ATP2B2: variants seen among roughly 807,000 people sequenced by gnomAD.
ATP2B2 encodes plasma membrane calcium-transporting ATPase 2.
ATP2B2 carries 15 observed loss-of-function variants against 120.0 expected under a neutral mutation model. The ratio of observed to expected loss-of-function variants is 0.12; its 90% CI spans 0.08 to 0.19. The LOEUF is 0.19. Among genes scored for constraint, ATP2B2 ranks in the 10% least tolerant of loss-of-function variants. The probability of loss-of-function intolerance (pLI) is 1.00; values close to 1 mark genes in which losing one functional copy is unlikely to be tolerated. For missense variants in ATP2B2, 1,045 were observed against 1,719.8 expected, an observed-to-expected ratio of 0.61 and a Z score of 6.94; for synonymous variants, 694 against 700.3, an observed-to-expected ratio of 0.99 and a Z score of 0.14.
chr3:10,461,279 T>C (rs950775837), intron 1 of ATP2B2, among the ~76,000 whole-genome samples: 2 of 152,218 alleles, frequency 1.3e-5, no homozygotes, highest in Non-Finnish European at 2.9e-5. Context: ...TTGGTGACTG[T>C]GCACTCATCT....
At chr3:10,408,986 C>T (rs941169715) in intron 3 of ATP2B2, among the ~76,000 whole-genome samples, 4 of 152,226 alleles carry the variant, frequency 2.6e-5, no homozygotes, top group Admixed American at 2.6e-4. Context: ...TTTGCTGTCT[C>T]AGGGCCTTGG....
chr3:10,606,248 C>T (rs533293094), intron 2 of ATP2B2, among the ~76,000 whole-genome samples: 1 of 152,286 alleles, frequency 6.6e-6, no homozygotes, highest in East Asian at 1.9e-4. Flanking sequence ...TAACGCAGCT[C>T]TCTGAGCCTC....
chr3:10,575,563 G>A (rs1420403593), intron 2 of ATP2B2, among the ~76,000 whole-genome samples: 1 of 152,198 alleles, frequency 6.6e-6, no homozygotes, highest in African/African-American at 2.4e-5. Context: ...CACACTTATG[G>A]GAGCTATGGA....
At chr3:10,546,318 T>C (rs1348177934) in intron 2 of ATP2B2, among the ~76,000 whole-genome samples, 1 of 152,104 alleles carries the variant, frequency 6.6e-6, no homozygotes, top group Non-Finnish European at 1.5e-5. Context: ...CCTCTCCCCA[T>C]ATCCACTTCT....
At chr3:10,457,758 T>C (rs2064324382) in intron 1 of ATP2B2, among the ~76,000 whole-genome samples, 1 of 152,006 alleles carries the variant, frequency 6.6e-6, no homozygotes, top group Non-Finnish European at 1.5e-5. Context: ...GAAGCAAATT[T>C]AGTGCTATTT....
rs1248052623 is a variant in ATP2B2, at chr3:10,402,355, G to A, written c.398-7C>T. 1 of 1,612,746 alleles carries A rather than the reference G, an allele frequency of 6.2e-7. No homozygotes were observed. The highest frequency in any genetic ancestry group is 8.5e-7 in the Non-Finnish European group (1 of 1,180,046). On this transcript the variant is annotated splice_region_variant and splice_polypyrimidine_tract_variant and intron_variant, in intron 3 of 22. Coordinates refer to ENST00000360273, the MANE Select transcript of ATP2B2 (RefSeq NM_001001331.4). This position sits in a 1 kb window ranked among gnomAD's most constrained non-coding sequence, Gnocchi z 4.9. ...CCCTGGGCCGTCGCACATCCTGAAA[G>A]ACCAGATAGAAGCAGGCAGAGTGAG...
At chr3:10,400,221 A>T (rs1559286889) in intron 5 of ATP2B2, among the ~76,000 whole-genome samples, 1 of 152,218 alleles carries the variant, frequency 6.6e-6, no homozygotes. Flanking sequence ...CTCACTGCTT[A>T]AAACCGTTTC....
intron 2 of ATP2B2, among the ~76,000 whole-genome samples, chr3:10,613,297 G>A (rs7632035): frequency 0.72 from 109,327 of 151,994 alleles, 39,463 homozygotes; most frequent in Middle Eastern, 0.83. Context: ...TCACAGCAAA[G>A]TGGTAATCAT....
At chr3:10,576,969 G>A (rs1201824416) in intron 2 of ATP2B2, among the ~76,000 whole-genome samples, 1 of 149,932 alleles carries the variant, frequency 6.7e-6, no homozygotes, top group African/African-American at 2.5e-5. Context: ...CAGGAGAATT[G>A]CTTGAACCTG....
intron 6 of ATP2B2, 118 bp downstream of exon 6, chr3:10,388,159 A>G: frequency 6.8e-7 from 1 of 1,472,476 alleles, no homozygotes; most frequent in South Asian, 1.1e-5. Flanking sequence ...GGTGGCTGTC[A>G]GCACAGGGTG....
intron 2 of ATP2B2, among the ~76,000 whole-genome samples, chr3:10,600,921 AG>A (rs142236476): frequency 0.022 from 3,416 of 152,292 alleles, 124 homozygotes; most frequent in African/African-American, 0.077. Context: ...GGGCAGGGCA[AG>A]ACTAAGAAGT....
intron 2 of ATP2B2, among the ~76,000 whole-genome samples, chr3:10,615,510 T>G (rs1243869009): frequency 6.6e-6 from 1 of 152,146 alleles, no homozygotes; most frequent in Non-Finnish European, 1.5e-5. Context: ...TACACTGAGC[T>G]CCAACAGTCC....
In ATP2B2 at chr3:10,500,075, C is replaced by T. The variant is rs147171238; in HGVS notation, c.-320+5390G>A. On this transcript the variant is annotated intron_variant, in intron 1 of 22. Coordinates refer to ENST00000360273, the MANE Select transcript of ATP2B2 (RefSeq NM_001001331.4). Reference sequence around the variant, plus strand: ...CTCAGCCTCCTGAGTAGCTGGATTACAGGCATGCACCACCAGGCCCGGCTA... The same window carrying T: ...CTCAGCCTCCTGAGTAGCTGGATTATAGGCATGCACCACCAGGCCCGGCTA... Among the ~76,000 whole-genome samples, 850 of 151,888 alleles carry T rather than the reference C, an allele frequency of 5.6e-3. 7 individuals are homozygous for T. Among genetic ancestry groups the T allele is most frequent in the African/African-American group, 0.019 (776 of 41,400 alleles).
At chr3:10,611,599 A>G (rs548403970) in intron 2 of ATP2B2, among the ~76,000 whole-genome samples, 1 of 152,130 alleles carries the variant, frequency 6.6e-6, no homozygotes, top group Non-Finnish European at 1.5e-5. Flanking sequence ...AGCGACTCAC[A>G]TGGGACTCAC....
chr3:10,391,993 C>A (rs887972756), intron 5 of ATP2B2, among the ~76,000 whole-genome samples: 6 of 152,142 alleles, frequency 3.9e-5, no homozygotes, highest in Non-Finnish European at 7.3e-5. Context: ...TTGCTCACAA[C>A]CTCCTCCACA....
At chr3:10,660,392 G>A (rs917709528) in intron 1 of ATP2B2, among the ~76,000 whole-genome samples, 5 of 152,022 alleles carry the variant, frequency 3.3e-5, no homozygotes, top group Non-Finnish European at 4.4e-5. Context: ...TCAAATAGAT[G>A]CAATAAAAAA....
At chr3:10,509,939 T>C (rs190092410), upstream of ATP2B2, among the ~76,000 whole-genome samples, 4 of 152,284 alleles carry the variant, frequency 2.6e-5, no homozygotes, top group Admixed American at 1.3e-4. Context: ...GGTATGATAA[T>C]ACCTATTTGG....
chr3:10,603,630 G>A (rs2068983537), intron 2 of ATP2B2, among the ~76,000 whole-genome samples: 1 of 152,108 alleles, frequency 6.6e-6, no homozygotes, highest in Non-Finnish European at 1.5e-5. Flanking sequence ...TTTTACTGAT[G>A]TGGTTACTGT....
intron 2 of ATP2B2, among the ~76,000 whole-genome samples, chr3:10,426,193 C>A (rs1199484996): frequency 6.6e-6 from 1 of 152,156 alleles, no homozygotes; most frequent in East Asian, 1.9e-4. Context: ...ATAGGTTACA[C>A]CCCCTTCGGA....
Sources: gnomAD v4.1 joint callset for allele counts (sites outside exome capture counted in the v4.1 genomes callset) on GRCh38, gnomAD v4.1.1 for gene constraint, Gnocchi (gnomAD v3.1) non-coding constraint, MANE v1.5 for transcripts, NCBI Gene and HGNC (gene_info 2026-07-23, HGNC 2026-07-21) for gene names.